Variants in FAM13B observed in about 807,000 individuals in gnomAD.
FAM13B encodes protein FAM13B.
Under a neutral mutation model 117.3 loss-of-function variants are expected in FAM13B, and 60 were observed. The observed-to-expected ratio is 0.51, with a 90% CI of 0.42 to 0.63. FAM13B has a LOEUF of 0.63. Among genes scored for constraint, FAM13B ranks in the 30% least tolerant of loss-of-function variants. The pLI is 0.00. For synonymous variants in FAM13B, 332 were observed against 356.1 expected (o/e 0.93, Z 0.76); for missense variants, 972 against 1,091.9 (o/e 0.89, Z 1.55).
chr5:138,051,301 T>G (rs1791792993), intron 1 of FAM13B, among the ~76,000 whole-genome samples: 2 of 152,262 alleles, frequency 1.3e-5, no homozygotes, highest in Non-Finnish European at 2.9e-5. Flanking sequence ...TATACTCATG[T>G]ATATTTGTGT....
chr5:137,988,625 A>AAGG (rs571747153), intron 7 of FAM13B, among the ~76,000 whole-genome samples: 93 of 152,342 alleles, frequency 6.1e-4, no homozygotes, highest in African/African-American at 2.2e-3. Context: ...TTCAATACCC[A>AAGG]AGGAGTTACA....
chr5:138,006,047 C>A (rs111434752), intron 7 of FAM13B, among the ~76,000 whole-genome samples: 1 of 151,848 alleles, frequency 6.6e-6, no homozygotes, highest in Non-Finnish European at 1.5e-5. Context: ...TACAGGCGCG[C>A]GCCACCATGC....
chr5:137,947,646 A>G (rs1763812027), intron 18 of FAM13B, among the ~76,000 whole-genome samples: 1 of 151,934 alleles, frequency 6.6e-6, no homozygotes, highest in Admixed American at 6.6e-5. Context: ...CAATGGTGCA[A>G]TCCTGGCTCA....
At chr5:137,976,132 A>G (rs1354774646) in intron 10 of FAM13B, among the ~76,000 whole-genome samples, 2 of 151,618 alleles carry the variant, frequency 1.3e-5, no homozygotes, top group Non-Finnish European at 2.9e-5. Context: ...AATTTTTCGT[A>G]TTTTTGTAGA....
At chr5:138,013,025 G>A (rs927513471) in intron 4 of FAM13B, among the ~76,000 whole-genome samples, 1 of 150,658 alleles carries the variant, frequency 6.6e-6, no homozygotes, top group Admixed American at 6.7e-5. Flanking sequence ...GCAACATCAC[G>A]AAACCCCGTT....
chr5:137,979,900 G>A (rs1302922122), intron 10 of FAM13B, among the ~76,000 whole-genome samples: 3 of 151,152 alleles, frequency 2.0e-5, no homozygotes, highest in Non-Finnish European at 2.9e-5. Flanking sequence ...GGTGGCTCAC[G>A]CCTATAATCC....
At chr5:138,006,027 T>C (rs559790516) in intron 7 of FAM13B, among the ~76,000 whole-genome samples, 136 of 152,116 alleles carry the variant, frequency 8.9e-4, no homozygotes, top group Non-Finnish European at 1.5e-3. Flanking sequence ...GCCTCCCGTG[T>C]AGCTGGGACT....
rs1307677839 is a variant in FAM13B, at chr5:137,970,298, C to T, written c.1180-7829G>A. Among the ~76,000 whole-genome samples the T allele has an allele frequency of 2.6e-5, 4 of 151,914 alleles. No homozygotes were observed. The East Asian group carries it at 7.7e-4, about 29-fold the overall frequency. On this transcript the variant is annotated intron_variant, in intron 10 of 23. Transcript: ENST00000689681. ...TCTACAAGGCAGAAGAGAGTGGGGG[C>T]CAATATTCAACATTCTTAAACAAAA...
intron 10 of FAM13B, among the ~76,000 whole-genome samples, chr5:137,978,188 T>G (rs1774585194): frequency 6.6e-6 from 1 of 152,228 alleles, no homozygotes; most frequent in African/African-American, 2.4e-5. Context: ...ATCTAATCAT[T>G]TTCCATTTAG....
intron 10 of FAM13B, among the ~76,000 whole-genome samples, chr5:137,964,538 T>C (rs562635203): frequency 2.0e-5 from 3 of 151,114 alleles, no homozygotes; most frequent in South Asian, 2.1e-4. Context: ...CTGGCCAACA[T>C]GGCGAAACCC....
chr5:137,963,029 T>C (rs892219453), intron 10 of FAM13B, among the ~76,000 whole-genome samples: 3 of 152,162 alleles, frequency 2.0e-5, no homozygotes, highest in African/African-American at 7.2e-5. Flanking sequence ...AGAGAATTAC[T>C]ACAAAATACA....
rs1245219409 is a variant in FAM13B at position 137,995,251 on chromosome 5, T to C, written c.849-6936A>G. Among the ~76,000 whole-genome samples the C allele has an allele frequency of 2.6e-5, 4 of 152,206 alleles. No homozygotes were observed. In the East Asian group the frequency reaches 5.8e-4, roughly 22 times the overall value. On this transcript the variant is annotated intron_variant, in intron 7 of 23. Transcript: ENST00000689681. ...ACAAGGAGGTACCCAATCAAGAGTC[T>C]ACAATTTTTTTCCTCATTACTTTGC...
intron 7 of FAM13B, among the ~76,000 whole-genome samples, chr5:138,002,389 G>A (rs542348833): frequency 5.3e-5 from 8 of 151,890 alleles, no homozygotes; most frequent in Non-Finnish European, 1.0e-4. Context: ...AACTTAGCCA[G>A]GCATGGTGGT....
intron 23 of FAM13B, among the ~76,000 whole-genome samples, chr5:137,941,452 A>AC (rs971400304): frequency 7.2e-5 from 11 of 152,134 alleles, no homozygotes; most frequent in African/African-American, 2.7e-4. Flanking sequence ...ACTGTGCATT[A>AC]CCTAGTTAGA....
intron 10 of FAM13B, among the ~76,000 whole-genome samples, chr5:137,976,640 C>G (rs1050143475): frequency 7.9e-5 from 12 of 152,096 alleles, no homozygotes; most frequent in Non-Finnish European, 1.5e-4. Flanking sequence ...TATTAGTTCC[C>G]CAAATTAATA....
chr5:137,990,044 G>C (rs2150628326), intron 7 of FAM13B, among the ~76,000 whole-genome samples: 1 of 152,236 alleles, frequency 6.6e-6, no homozygotes, highest in South Asian at 2.1e-4. Flanking sequence ...TCCCTGAAGA[G>C]TCTTAACATG....
rs867058274 is a variant in FAM13B, at chr5:137,969,089, T to G, written c.1180-6620A>C. Reference sequence around the variant, plus strand: ...GGTAAACAAAGCAGCCGGGAAGCTCTAACTGGGTGGAGCCCACCACAGCTC... The same window carrying G: ...GGTAAACAAAGCAGCCGGGAAGCTCGAACTGGGTGGAGCCCACCACAGCTC... On this transcript the variant is annotated intron_variant, in intron 10 of 23. Coordinates refer to ENST00000689681, the MANE Select transcript of FAM13B (RefSeq NM_001385994.1). 6.9e-3 allele frequency among the ~76,000 whole-genome samples: 1,050 copies of G among 152,318 alleles called. 5 individuals carry two copies. Among genetic ancestry groups the G allele is most frequent in the Non-Finnish European group, 1.0e-2 (679 of 68,026 alleles).
chr5:137,970,925 T>C (rs1267321677), intron 10 of FAM13B, among the ~76,000 whole-genome samples: 2 of 151,944 alleles, frequency 1.3e-5, no homozygotes, highest in Non-Finnish European at 2.9e-5. Context: ...CCTAAATATA[T>C]ATGCACCCAA....
chr5:138,023,588 C>T (rs555192098), intron 1 of FAM13B, among the ~76,000 whole-genome samples: 35 of 152,088 alleles, frequency 2.3e-4, no homozygotes, highest in Admixed American at 1.3e-4. Flanking sequence ...TGGCCATAGT[C>T]TTTTTCTTTT....
Sources: gnomAD v4.1 joint callset for allele counts (sites outside exome capture counted in the v4.1 genomes callset) on GRCh38, gnomAD v4.1.1 for gene constraint, MANE v1.5 for transcripts, NCBI Gene and HGNC (gene_info 2026-07-23, HGNC 2026-07-21) for gene names.